Variants in C2 observed in about 807,000 individuals in gnomAD.
C2 encodes complement C2, also known as C3/C5 convertase.
Under a neutral mutation model 85.2 loss-of-function variants are expected in C2, and 64 were observed. The ratio of observed to expected loss-of-function variants is 0.75; its 90% CI spans 0.61 to 0.92. The LOEUF (loss-of-function observed/expected upper bound fraction) is 0.92, where lower values mean the gene tolerates loss of function less well. Among genes scored for constraint, C2 ranks in the 40% least tolerant of loss-of-function variants. The pLI, the probability that C2 is intolerant of heterozygous loss-of-function variation, is 0.00. For missense variants in C2, 820 were observed against 971.6 expected, an observed-to-expected ratio of 0.84 and a Z score of 2.07; for synonymous variants, 311 against 370.8, an observed-to-expected ratio of 0.84 and a Z score of 1.85.
chr6:31,939,348 T>C, intron 9 of C2, 28 bp downstream of exon 9: 1 of 1,529,298 alleles, frequency 6.5e-7, no homozygotes. Flanking sequence ...CCACCACATT[T>C]GTTCTGCTCC....
At chr6:31,928,199 C>T (rs1227109410) in intron 2 of C2, 35 bp downstream of exon 2, 2 of 1,561,616 alleles carry the variant, frequency 1.3e-6, no homozygotes, top group East Asian at 4.6e-5. Flanking sequence ...CAGGGTGCTA[C>T]ACCAGGGGCC....
intron 1 of C2, among the ~76,000 whole-genome samples, chr6:31,908,488 A>G (rs1767876618): frequency 6.6e-6 from 1 of 151,362 alleles, no homozygotes; most frequent in Admixed American, 6.6e-5. Flanking sequence ...CCCAATCTCT[A>G]CTAAAAACAC....
In C2 at chr6:31,904,921, A is replaced by G. The variant is rs985852629; in HGVS notation, c.73+3782A>G. 2.0e-5 allele frequency among the ~76,000 whole-genome samples: 3 copies of G among 151,990 alleles called. No homozygotes were observed. Among genetic ancestry groups the G allele is most frequent in the African/African-American group, 7.3e-5 (3 of 41,334 alleles). On this transcript the variant is annotated intron_variant, in intron 1 of 3. Transcript: ENST00000452202. The surrounding 1 kb of genome is among the most constrained non-coding windows in gnomAD (Gnocchi z 4.4). ...CACCCAGTTACAACTCTGCGTAAAA[A>G]CAAGCAGAGGTGCACAAACTCTTTT...
Position 31,904,021 on chromosome 6 carries a change from C to T in C2, c.73+2882C>T, listed in dbSNP as rs1211012790. Among the ~76,000 whole-genome samples the T allele has an allele frequency of 6.6e-6, 1 of 151,802 alleles. No homozygotes were observed. Among genetic ancestry groups the T allele is most frequent in the Non-Finnish European group, 1.5e-5 (1 of 67,990 alleles). On this transcript the variant is annotated intron_variant, in intron 1 of 3. Coordinates refer to the C2 transcript ENST00000452202. This position sits in a 1 kb window ranked among gnomAD's most constrained non-coding sequence, Gnocchi z 4.4. Reference sequence around the variant, plus strand: ...CTCTGGCTCAGAAGGCTGCCAGATTCGCAAATCATTAAAAAAATAAAATAA... The same window carrying T: ...CTCTGGCTCAGAAGGCTGCCAGATTTGCAAATCATTAAAAAAATAAAATAA...
Position 31,928,783 on chromosome 6 carries a change from G to T in C2, c.308G>T (p.Arg103Leu), listed in dbSNP as rs138564762. The T allele has an allele frequency of 6.2e-7, 1 of 1,614,176 alleles. No individual in the cohort carries two copies. Among genetic ancestry groups the T allele is most frequent in the East Asian group, 2.2e-5 (1 of 44,896 alleles). ...VSFENGIYTP[R>L]LGSYPVGGNV... ...TTTGAGAATGGCATTTATACCCCAC[G>T]GCTGGGGTCCTATCCCGTGGGTGGC... The change falls in exon 3 of 18, where the codon CGG becomes CTG. Residue 103 changes from arginine (R) to leucine (L), a missense_variant. Coordinates refer to ENST00000299367, the MANE Select transcript of C2 (RefSeq NM_000063.6).
upstream of C2, among the ~76,000 whole-genome samples, chr6:31,916,795 A>G (rs139354936): frequency 8.0e-3 from 904 of 112,476 alleles, 16 homozygotes; most frequent in African/African-American, 0.031. Context: ...CCTTTTGCCC[A>G]GGCTGGAGTT....
chr6:31,937,279 G>A (rs773563930), intron 7 of C2, 40 bp from the exon 8 acceptor site: 57 of 1,610,006 alleles, frequency 3.5e-5, no homozygotes, highest in Middle Eastern at 1.6e-4. Flanking sequence ...GTGGTAGGTG[G>A]GAAGTTTCTA....
chr6:31,921,206 A>G lies in C2; in HGVS notation c.-100+1180A>G, dbSNP rs1326500574. On this transcript the variant is annotated intron_variant, in intron 1 of 3. Coordinates refer to the C2 transcript ENST00000413154. This position sits in a 1 kb window ranked among gnomAD's most constrained non-coding sequence, Gnocchi z 4.6. Reference sequence around the variant, plus strand: ...GAAACCAAAGCCAATTCTGTTGCTGACCTGAAAGATGCTATTTACTTGGGG... The same window carrying G: ...GAAACCAAAGCCAATTCTGTTGCTGGCCTGAAAGATGCTATTTACTTGGGG... Among the ~76,000 whole-genome samples, 2 of 151,998 alleles carry G rather than the reference A, an allele frequency of 1.3e-5. No homozygotes were observed. The highest frequency in any genetic ancestry group is 2.9e-5 in the Non-Finnish European group (2 of 68,014).
intron 8 of C2, among the ~76,000 whole-genome samples, chr6:31,938,325 T>A (rs558547947): frequency 3.9e-5 from 6 of 151,960 alleles, no homozygotes; most frequent in Non-Finnish European, 7.4e-5. Flanking sequence ...CAGGACTTAG[T>A]ATATAAAATG....
At chr6:31,900,037 G>C (rs143020711), upstream of C2, 895 of 1,612,490 alleles carry the variant, frequency 5.6e-4, 3 homozygotes, top group African/African-American at 9.5e-3. The surrounding 1 kb of genome is among the most constrained non-coding windows in gnomAD (Gnocchi z 9.7). Context: ...TGTGGGCGAA[G>C]CGCACGTCGC....
At chr6:31,923,547 G>A (rs1046433833), upstream of C2, among the ~76,000 whole-genome samples, 2 of 151,854 alleles carry the variant, frequency 1.3e-5, no homozygotes, top group African/African-American at 2.4e-5. Context: ...GCAGTGGCAC[G>A]ATCTCCGCTC....
rs1771328059 is a variant in C2, at chr6:31,945,485, A to G, written c.*128A>G. ...AGCTGAGTAAATCCGGGTCTCTAGG[A>G]TGCCAGAGGCAGCGCACACAAGCTG... On this transcript the variant is annotated 3_prime_UTR_variant, in exon 18 of 18. Transcript: ENST00000299367. The surrounding 1 kb of genome is among the most constrained non-coding windows in gnomAD (Gnocchi z 5.3). 1.1e-6 allele frequency: 1 copy of G among 932,924 alleles called. No homozygotes were observed. Among genetic ancestry groups the G allele is most frequent in the Admixed American group, 1.9e-5 (1 of 52,160 alleles). 57.8% of individuals were successfully genotyped at this position (932,924 alleles called of 1,614,324 possible).
At chr6:31,931,848 A>C (rs1769785854) in intron 3 of C2, among the ~76,000 whole-genome samples, 1 of 150,660 alleles carries the variant, frequency 6.6e-6, no homozygotes, top group Non-Finnish European at 1.5e-5. Flanking sequence ...GGCCGGGCAG[A>C]GGCGCCCCTC....
intron 1 of C2, among the ~76,000 whole-genome samples, chr6:31,911,197 G>T (rs1290661517): frequency 1.3e-5 from 2 of 151,696 alleles, no homozygotes; most frequent in Non-Finnish European, 2.9e-5. Flanking sequence ...TACTCGAGAG[G>T]TGGAGGCAGG....
In C2 at chr6:31,928,904, G is replaced by T; in HGVS notation, c.429G>T (p.Val143=). 6.2e-7 allele frequency: 1 copy of T among 1,612,982 alleles called. No individual in the cohort carries two copies. The highest frequency in any genetic ancestry group is 8.5e-7 in the Non-Finnish European group (1 of 1,179,078). ...GCATGTGGGATGGAGAAACAGCTGTGTGTGATAATGGGGGTGAGTTCTCTG... is the reference window on the plus strand; with the variant it reads ...GCATGTGGGATGGAGAAACAGCTGTTTGTGATAATGGGGGTGAGTTCTCTG... ...PNGMWDGETA[V]CDNGAGHCPN... is the part of the protein sequence containing the mutation. Residue 143 remains valine (V), a synonymous_variant, in exon 3 of 18, where the codon GTG becomes GTT. Coordinates refer to ENST00000299367, the MANE Select transcript of C2 (RefSeq NM_000063.6).
intron 3 of C2, chr6:31,932,222 G>C (rs371674465): frequency 0.029 from 4,125 of 144,286 alleles, 116 homozygotes; most frequent in South Asian, 0.091. Flanking sequence ...CTTCCCGGAC[G>C]GGGCGGCTGG....
chr6:31,925,114 A>C (rs1259192978), upstream of C2, among the ~76,000 whole-genome samples: 2 of 152,218 alleles, frequency 1.3e-5, no homozygotes, highest in African/African-American at 4.8e-5. Flanking sequence ...CTGCCGCTGC[A>C]TGGAAGATCA....
At chr6:31,897,786 AT>A, upstream of C2, 9 of 985,004 alleles carry the variant, frequency 9.1e-6, no homozygotes, top group East Asian at 4.7e-5. Context: ...CTTTTTGGCC[AT>A]TTTCCCCTGA....
intron 3 of C2, among the ~76,000 whole-genome samples, chr6:31,929,237 G>A (rs1769523824): frequency 1.3e-5 from 2 of 152,150 alleles, no homozygotes; most frequent in Admixed American, 6.5e-5. Context: ...TGCTGGGAGA[G>A]AGTCAAGTAC....
Sources: gnomAD v4.1 joint callset for allele counts (sites outside exome capture counted in the v4.1 genomes callset) on GRCh38, gnomAD v4.1.1 for gene constraint, Gnocchi (gnomAD v3.1) non-coding constraint, MANE v1.5 for transcripts, NCBI Gene and HGNC (gene_info 2026-07-23, HGNC 2026-07-21) for gene names.